GAB2: variants seen among roughly 807,000 people sequenced by gnomAD.
GAB2 encodes GRB2 associated binding protein 2.
In GAB2, 26 loss-of-function variants were observed where a neutral mutation model predicts 65.5. That is an observed-to-expected ratio of 0.40 (90% CI 0.29 to 0.55). GAB2 has a LOEUF of 0.55. GAB2 is among the 20% of genes least tolerant of loss of function. The pLI is 0.53. For missense variants in GAB2, 884 were observed against 875.8 expected (o/e 1.01, Z -0.12); for synonymous variants, 321 against 329.6 (o/e 0.97, Z 0.28).
intron 1 of GAB2, among the ~76,000 whole-genome samples, chr11:78,342,441 G>A (rs1363258428): frequency 3.2e-5 from 4 of 124,642 alleles, no homozygotes; most frequent in Admixed American, 1.0e-4. Flanking sequence ...ACGGAGTCTC[G>A]CTTTGTCGCC....
intron 1 of GAB2, among the ~76,000 whole-genome samples, chr11:78,329,733 A>C (rs1439183719): frequency 6.6e-6 from 1 of 152,232 alleles, no homozygotes. Context: ...AACTAGAAAC[A>C]CAGAGATCTG....
chr11:78,308,277 A>C (rs978358415), intron 1 of GAB2, among the ~76,000 whole-genome samples: 8 of 152,122 alleles, frequency 5.3e-5, no homozygotes, highest in African/African-American at 1.9e-4. Context: ...GGACGCATAG[A>C]AAGAGAGGGC....
intron 1 of GAB2, among the ~76,000 whole-genome samples, chr11:78,377,239 G>A (rs942095742): frequency 2.0e-5 from 3 of 152,240 alleles, no homozygotes; most frequent in Non-Finnish European, 4.4e-5. Flanking sequence ...CAGTTCTGGA[G>A]GCTGGGAAGT....
intron 1 of GAB2, among the ~76,000 whole-genome samples, chr11:78,300,659 ATC>A (rs1452793588): frequency 5.1e-5 from 7 of 138,274 alleles, no homozygotes; most frequent in African/African-American, 1.6e-4. Context: ...GGGTAATGTT[ATC>A]TCACTGTGTG....
At chr11:78,241,407 G>C (rs1358816250) in intron 3 of GAB2, among the ~76,000 whole-genome samples, 1 of 152,102 alleles carries the variant, frequency 6.6e-6, no homozygotes, top group African/African-American at 2.4e-5. Flanking sequence ...CACAAAAAAG[G>C]AAGGAAATAT....
intron 1 of GAB2, among the ~76,000 whole-genome samples, chr11:78,286,992 G>A (rs1866502306): frequency 6.6e-6 from 1 of 152,120 alleles, no homozygotes; most frequent in Non-Finnish European, 1.5e-5. Context: ...AATGGATTAT[G>A]GACTTACACA....
intron 3 of GAB2, among the ~76,000 whole-genome samples, chr11:78,244,015 A>G (rs1369035615): frequency 1.3e-5 from 2 of 152,174 alleles, no homozygotes; most frequent in Admixed American, 1.3e-4. Flanking sequence ...TGCAAAAAAA[A>G]GTCTCCCATC....
chr11:78,245,605 G>C (rs916872431), intron 3 of GAB2, among the ~76,000 whole-genome samples: 2 of 152,206 alleles, frequency 1.3e-5, no homozygotes, highest in South Asian at 2.1e-4. Flanking sequence ...ATACTAAAGA[G>C]TAAGAAAACC....
Position 78,226,577 on chromosome 11 carries a change from T to C in GAB2, c.1095A>G (p.Arg365=), listed in dbSNP as rs1864659435. Reference sequence around the variant, plus strand: ...GCGGTCTCTGCTGAGGACTGCCCCATCGAGGTGTTTCTGCCTGACTTGGCT... The same window carrying C: ...GCGGTCTCTGCTGAGGACTGCCCCACCGAGGTGTTTCTGCCTGACTTGGCT... ...PPKPSQAETP[R]WGSPQQRPPI... is the part of the protein sequence containing the mutation. The change falls in exon 4 of 10, where the codon CGA becomes CGG. Residue 365 remains arginine (R), a synonymous_variant. Transcript: ENST00000361507. The C allele has an allele frequency of 7.3e-7, 1 of 1,361,854 alleles. No homozygotes were observed. The highest frequency in any genetic ancestry group is 1.7e-5 in the African/African-American group (1 of 60,288). 84.4% of individuals were successfully genotyped at this position (1,361,854 alleles called of 1,614,324 possible). A position where few individuals can be genotyped will look rare whatever the true frequency, so the allele number is the denominator to read the frequency against.
intron 1 of GAB2, among the ~76,000 whole-genome samples, chr11:78,342,631 A>G (rs1306697204): frequency 6.6e-6 from 1 of 152,118 alleles, no homozygotes. Context: ...GATGGTCTCC[A>G]TCTCCTGACC....
intron 2 of GAB2, among the ~76,000 whole-genome samples, chr11:78,259,262 TA>T (rs1470730885): frequency 2.6e-5 from 4 of 152,214 alleles, no homozygotes; most frequent in Non-Finnish European, 5.9e-5. Context: ...GAAATATAGG[TA>T]AACAGTAATT....
At chr11:78,362,996 A>G (rs1392656549) in intron 1 of GAB2, among the ~76,000 whole-genome samples, 4 of 152,200 alleles carry the variant, frequency 2.6e-5, no homozygotes, top group African/African-American at 7.2e-5. Flanking sequence ...CTATAAGTAG[A>G]AAGTGACAAG....
At chr11:78,365,961 C>T (rs893597484) in intron 1 of GAB2, among the ~76,000 whole-genome samples, 1 of 152,184 alleles carries the variant, frequency 6.6e-6, no homozygotes, top group Non-Finnish European at 1.5e-5. Context: ...CCATTAACTG[C>T]TGTGTAATTA....
chr11:78,246,373 G>C (rs1312734406), intron 3 of GAB2, among the ~76,000 whole-genome samples: 3 of 152,310 alleles, frequency 2.0e-5, no homozygotes, highest in East Asian at 3.9e-4. Context: ...GACTTCCATT[G>C]AGAATGGGTT....
At chr11:78,400,753 A>C (rs1856958238) in intron 1 of GAB2, among the ~76,000 whole-genome samples, 1 of 151,944 alleles carries the variant, frequency 6.6e-6, no homozygotes. Flanking sequence ...AAATACAAAA[A>C]AATTAGCCAG....
intron 1 of GAB2, among the ~76,000 whole-genome samples, chr11:78,293,257 A>C (rs969833981): frequency 6.6e-6 from 1 of 152,188 alleles, no homozygotes; most frequent in African/African-American, 2.4e-5. Flanking sequence ...ACTCTAAAGG[A>C]ACTTATTTGC....
intron 2 of GAB2, among the ~76,000 whole-genome samples, chr11:78,278,950 T>C (rs1341920907): frequency 2.0e-5 from 3 of 151,988 alleles, no homozygotes; most frequent in African/African-American, 4.8e-5. Context: ...CACTCTAGTC[T>C]CGCTATGCTG....
Position 78,289,814 on chromosome 11 carries a change from CTTTTTTTTTTTTTT to C in GAB2, c.76-8927_76-8914del, listed in dbSNP as rs56926225. Among the ~76,000 whole-genome samples, 20 of 83,662 alleles carry C rather than the reference CTTTTTTTTTTTTTT, an allele frequency of 2.4e-4. No individual in the cohort carries two copies. The East Asian group carries it at 7.3e-3, about 30-fold the overall frequency. The allele number at this position is 83,662 out of a possible 152,430, so 54.9% of individuals were successfully genotyped here. On this transcript the variant is annotated intron_variant, in intron 1 of 9. Coordinates refer to ENST00000361507, the MANE Select transcript of GAB2 (RefSeq NM_080491.3). ...CGGTTTTGGAAAGGAAGAACAGGAC[CTTTTTTTTTTTTTT>C]TTTTTTTTTTTTAAATACAACATAC...
At chr11:78,220,877 A>G (rs1565415017) in intron 8 of GAB2, among the ~76,000 whole-genome samples, 1 of 152,110 alleles carries the variant, frequency 6.6e-6, no homozygotes, top group African/African-American at 2.4e-5. Context: ...CATTTCCTTT[A>G]TGCACTGGAA....
Sources: gnomAD v4.1 joint callset for allele counts (sites outside exome capture counted in the v4.1 genomes callset) on GRCh38, gnomAD v4.1.1 for gene constraint, MANE v1.5 for transcripts, NCBI Gene and HGNC (gene_info 2026-07-23, HGNC 2026-07-21) for gene names.